RNF111: variants seen among roughly 807,000 people sequenced by gnomAD.
The protein encoded by RNF111 is E3 ubiquitin-protein ligase Arkadia.
In RNF111, 17 loss-of-function variants were observed where a neutral mutation model predicts 95.1. That is an observed-to-expected ratio of 0.18 (90% CI 0.12 to 0.27). RNF111 has a LOEUF of 0.27. Ranked by LOEUF, RNF111 falls within the 10% of genes least tolerant of loss-of-function variation. The pLI, the probability that RNF111 is intolerant of heterozygous loss-of-function variation, is 1.00. For synonymous variants in RNF111, 440 were observed against 414.8 expected, an observed-to-expected ratio of 1.06 and a Z score of -0.74; for missense variants, 1,189 against 1,210.4, an observed-to-expected ratio of 0.98 and a Z score of 0.26.
In RNF111 at chr15:59,069,075, A is replaced by G. The variant is rs79360144; in HGVS notation, c.1686+1992A>G. Among the ~76,000 whole-genome samples the G allele has an allele frequency of 2.0e-4, 14 of 71,344 alleles. 1 individual carries two copies. The South Asian group carries it at 5.2e-3, about 27-fold the overall frequency. 46.8% of individuals were successfully genotyped at this position (71,344 alleles called of 152,430 possible). On this transcript the variant is annotated intron_variant, in intron 6 of 13. Coordinates refer to ENST00000348370, the MANE Select transcript of RNF111 (RefSeq NM_017610.8). Reference sequence around the variant, plus strand: ...GGCGACAGAACAAGACTCCGTCTCAAAAAAAAAAAAAAAAAAAAGGAGTTG... The same window carrying G: ...GGCGACAGAACAAGACTCCGTCTCAGAAAAAAAAAAAAAAAAAAGGAGTTG...
Position 59,076,828 on chromosome 15 carries a change from T to C in RNF111, c.1948+613T>C, listed in dbSNP as rs865907758. On this transcript the variant is annotated intron_variant, in intron 7 of 13. Transcript: ENST00000348370. Reference sequence around the variant, plus strand: ...GTTAGATCATAAGCTAATAATGAAATGAAAGCTTAATAAACACTTGGCTGA... The same window carrying C: ...GTTAGATCATAAGCTAATAATGAAACGAAAGCTTAATAAACACTTGGCTGA... 2.6e-5 allele frequency among the ~76,000 whole-genome samples: 4 copies of C among 152,208 alleles called. No individual in the cohort carries two copies. In the South Asian group the frequency reaches 6.2e-4, roughly 24 times the overall value.
chr15:58,994,033 A>ATTT lies in RNF111; in HGVS notation c.-20+5987_-20+5989dup, dbSNP rs371453519. 6.7e-3 allele frequency among the ~76,000 whole-genome samples: 689 copies of ATTT among 103,082 alleles called. 14 individuals are homozygous for ATTT. The highest frequency in any genetic ancestry group is 0.02 in the African/African-American group (509 of 25,228). 67.6% of individuals were successfully genotyped at this position (103,082 alleles called of 152,430 possible). On this transcript the variant is annotated intron_variant, in intron 1 of 13. Coordinates refer to ENST00000348370, the MANE Select transcript of RNF111 (RefSeq NM_017610.8). ...GACATCCCAATTTGTTGTTACTTAAATTTTTTTTTTTTTTTTTTTTTTTTA... is the reference window on the plus strand; with the variant it reads ...GACATCCCAATTTGTTGTTACTTAAATTTTTTTTTTTTTTTTTTTTTTTTTTTA...
chr15:59,028,735 A>T (rs1175149331), intron 1 of RNF111, among the ~76,000 whole-genome samples: 1 of 150,458 alleles, frequency 6.6e-6, no homozygotes, highest in African/African-American at 2.4e-5. Context: ...TCTTGGGTAC[A>T]TACCTAGGAG....
intron 3 of RNF111, among the ~76,000 whole-genome samples, chr15:59,055,084 C>T (rs947505521): frequency 5.9e-5 from 9 of 152,168 alleles, no homozygotes; most frequent in African/African-American, 1.7e-4. Flanking sequence ...TTCACAGTCA[C>T]GTGTTTTAGA....
chr15:58,992,585 A>T (rs12912335), intron 1 of RNF111, among the ~76,000 whole-genome samples: 1 of 152,060 alleles, frequency 6.6e-6, no homozygotes, highest in East Asian at 1.9e-4. Flanking sequence ...TGGGAGGCTG[A>T]GGAAGGTGGA....
intron 1 of RNF111, among the ~76,000 whole-genome samples, chr15:59,010,305 A>G (rs1343063147): frequency 6.6e-6 from 1 of 152,186 alleles, no homozygotes; most frequent in African/African-American, 2.4e-5. Context: ...CTTTTTCAAA[A>G]CAAAAACATT....
chr15:59,044,620 T>TA lies in RNF111; in HGVS notation c.881-7675dup, dbSNP rs1321982452. ...AAGCTATAAACAACCTAACTAACCT[T>TA]AAAAAAAAAACAATTCGAAGAAAAT... On this transcript the variant is annotated intron_variant, in intron 2 of 13. Transcript: ENST00000348370. Among the ~76,000 whole-genome samples the TA allele has an allele frequency of 5.8e-4, 86 of 147,830 alleles. 1 individual carries two copies. The highest frequency in any genetic ancestry group is 1.3e-3 in the African/African-American group (54 of 40,486).
At chr15:58,989,135 C>T (rs2038695754) in intron 1 of RNF111, among the ~76,000 whole-genome samples, 1 of 152,036 alleles carries the variant, frequency 6.6e-6, no homozygotes, top group Admixed American at 6.6e-5. Flanking sequence ...CTGGACTTAG[C>T]TTTATTACAG....
chr15:59,083,768 T>G (rs1404428759), intron 8 of RNF111, among the ~76,000 whole-genome samples: 1 of 152,122 alleles, frequency 6.6e-6, no homozygotes, highest in Non-Finnish European at 1.5e-5. Context: ...CCTGCAACAT[T>G]TGCCTGGGGT....
In RNF111 at chr15:59,058,408, C is replaced by T. The variant is rs148739605; in HGVS notation, c.1224C>T (p.Ser408=). ...TSARMESQAT[S]ASINNSNPST... ...CAAGAATGGAATCACAAGCTACTAG[C>T]GCTTCCATTAACAATTCAAATCCAT... Residue 408 remains serine, a synonymous_variant, in exon 5 of 14, where the codon AGC becomes AGT. Transcript: ENST00000348370. The T allele has an allele frequency of 1.5e-5, 24 of 1,613,948 alleles. No homozygotes were observed. The highest frequency in any genetic ancestry group is 4.5e-5 in the East Asian group (2 of 44,892).
chr15:59,078,193 T>C (rs1461354132), intron 7 of RNF111, among the ~76,000 whole-genome samples: 1 of 152,234 alleles, frequency 6.6e-6, no homozygotes. Context: ...TAAATTGTGA[T>C]ACTTGGATCC....
At chr15:59,082,241 C>G (rs1429426476) in intron 8 of RNF111, among the ~76,000 whole-genome samples, 3 of 152,110 alleles carry the variant, frequency 2.0e-5, no homozygotes, top group Non-Finnish European at 4.4e-5. Context: ...TACCATATGA[C>G]CCAGGCTAAT....
At position 59,076,604 on chromosome 15, in the gene RNF111, A is replaced by T. The variant is rs189499243; in HGVS notation, c.1948+389A>T. On this transcript the variant is annotated intron_variant, in intron 7 of 13. Transcript: ENST00000348370. Reference sequence around the variant, plus strand: ...GTTGGGCATGATGGCTCACTCCTGTAATCCCAGCACTTTGGGAGGCCAAGG... The same window carrying T: ...GTTGGGCATGATGGCTCACTCCTGTTATCCCAGCACTTTGGGAGGCCAAGG... Among the ~76,000 whole-genome samples, 24 of 152,326 alleles carry T rather than the reference A, an allele frequency of 1.6e-4. No individual in the cohort carries two copies. The East Asian group carries it at 3.9e-3, about 24-fold the overall frequency.
chr15:59,020,642 G>T (rs892789078), intron 1 of RNF111, among the ~76,000 whole-genome samples: 3 of 152,140 alleles, frequency 2.0e-5, no homozygotes, highest in African/African-American at 7.2e-5. Flanking sequence ...ACTTTAACAA[G>T]ACAGATGAGA....
intron 1 of RNF111, among the ~76,000 whole-genome samples, chr15:58,990,434 C>T (rs1308280787): frequency 3.3e-5 from 5 of 152,100 alleles, no homozygotes; most frequent in Admixed American, 2.0e-4. Context: ...CCAAGGCGGG[C>T]GAATCACTTG....
chr15:59,024,757 A>G (rs1283292516), intron 1 of RNF111, among the ~76,000 whole-genome samples: 2 of 152,192 alleles, frequency 1.3e-5, no homozygotes, highest in Non-Finnish European at 2.9e-5. Flanking sequence ...TTGTTGTGCA[A>G]CATCTCCATC....
rs1216732819 is a variant in RNF111 at position 58,987,714 on chromosome 15, C to T, written c.-374C>T. The T allele has an allele frequency of 2.2e-5, 4 of 179,460 alleles. No homozygotes were observed. Among genetic ancestry groups the T allele is most frequent in the South Asian group, 1.2e-4 (1 of 8,670 alleles). The allele number at this position is 179,460 out of a possible 1,614,324, so 11.1% of individuals were successfully genotyped here. A position where few individuals can be genotyped will look rare whatever the true frequency, so the allele number is the denominator to read the frequency against. On this transcript the variant is annotated 5_prime_UTR_variant, in exon 1 of 14. Coordinates refer to ENST00000348370, the MANE Select transcript of RNF111 (RefSeq NM_017610.8). Reference sequence around the variant, plus strand: ...GGAATTGGTTAGGCGGCGGCGGCGGCGAAGCGGCGGCGGCGGCTGTAGGGG... The same window carrying T: ...GGAATTGGTTAGGCGGCGGCGGCGGTGAAGCGGCGGCGGCGGCTGTAGGGG...
intron 12 of RNF111, 66 bp from the exon 13 acceptor site, chr15:59,092,471 G>C: frequency 6.6e-7 from 1 of 1,514,894 alleles, no homozygotes. Flanking sequence ...AATAAACACA[G>C]ACTTTACTCA....
chr15:59,059,531 TG>T (rs1289279840), intron 5 of RNF111, among the ~76,000 whole-genome samples: 2 of 152,188 alleles, frequency 1.3e-5, no homozygotes, highest in African/African-American at 4.8e-5. Flanking sequence ...TAATTGAGAA[TG>T]GGGATGGGAG....
Sources: gnomAD v4.1 joint callset for allele counts (sites outside exome capture counted in the v4.1 genomes callset) on GRCh38, gnomAD v4.1.1 for gene constraint, MANE v1.5 for transcripts, NCBI Gene and HGNC (gene_info 2026-07-23, HGNC 2026-07-21) for gene names.